The following FGF18 variants were observed in gnomAD, a reference collection of about 807,000 sequenced individuals.
The protein encoded by FGF18 is fibroblast growth factor 18.
In FGF18, 5 loss-of-function variants were observed where a neutral mutation model predicts 23.0. The ratio of observed to expected loss-of-function variants is 0.22; its 90% confidence interval spans 0.11 to 0.46. FGF18 has a LOEUF of 0.46. Among genes scored for constraint, FGF18 ranks in the 20% least tolerant of loss-of-function variants. FGF18 has a pLI of 0.99. For missense variants in FGF18, 180 were observed against 291.6 expected (o/e 0.62, Z 2.79); for synonymous variants, 117 against 118.9 (o/e 0.98, Z 0.10).
intron 3 of FGF18, among the ~76,000 whole-genome samples, chr5:171,447,928 C>A (rs933051054): frequency 1.3e-5 from 2 of 151,856 alleles, no homozygotes; most frequent in African/African-American, 4.8e-5. Context: ...GGGAGTGGGG[C>A]GGTCACAGGC....
In FGF18 at chr5:171,440,366, A is replaced by G. The variant is rs1772324203; in HGVS notation, c.250+4093A>G. 6.6e-6 allele frequency among the ~76,000 whole-genome samples: 1 copy of G among 152,028 alleles called. No individual in the cohort carries two copies. The highest frequency in any genetic ancestry group is 1.5e-5 in the Non-Finnish European group (1 of 67,996). On this transcript the variant is annotated intron_variant, in intron 3 of 4. Coordinates refer to ENST00000274625, the MANE Select transcript of FGF18 (RefSeq NM_003862.3). The surrounding 1 kb of genome is among the most constrained non-coding windows in gnomAD (Gnocchi z 4.0). ...GACCTGGCAGGTTAGATGCAGGTAG[A>G]AGAGTCGTCCTCCCGTGATTCCCAG...
rs559331737 is a variant in FGF18, at chr5:171,439,693, G to A, written c.250+3420G>A. On this transcript the variant is annotated intron_variant, in intron 3 of 4. Coordinates refer to ENST00000274625, the MANE Select transcript of FGF18 (RefSeq NM_003862.3). ...GGCCTCCTCCACCTGCCCTTGAGGT[G>A]GATGTCCCTAAGCCTGGGATGTGAC... Among the ~76,000 whole-genome samples, 177 of 152,248 alleles carry A rather than the reference G, an allele frequency of 1.2e-3. 1 individual carries two copies. Among genetic ancestry groups the A allele is most frequent in the Middle Eastern group, 0.01 (3 of 294 alleles).
rs564111337 is a variant in FGF18 at position 171,423,116 on chromosome 5, G to A, written c.69+2673G>A. ...TTCCTGTCCATCGCTACCGGGCTCA[G>A]AATGGGTCCCTGCCCCCAGCTACGT... On this transcript the variant is annotated intron_variant, in intron 2 of 4. Coordinates refer to ENST00000274625, the MANE Select transcript of FGF18 (RefSeq NM_003862.3). 1.4e-4 allele frequency among the ~76,000 whole-genome samples: 22 copies of A among 152,288 alleles called. No homozygotes were observed. The South Asian group carries it at 4.6e-3, about 32-fold the overall frequency.
intron 2 of FGF18, among the ~76,000 whole-genome samples, chr5:171,425,468 G>A (rs1159444024): frequency 2.7e-5 from 4 of 149,914 alleles, no homozygotes; most frequent in Non-Finnish European, 5.9e-5. Flanking sequence ...TGATCCACCC[G>A]CCTCGGACTC....
chr5:171,425,623 C>T (rs762370703), intron 2 of FGF18, among the ~76,000 whole-genome samples: 6 of 151,362 alleles, frequency 4.0e-5, no homozygotes, highest in Non-Finnish European at 7.4e-5. Context: ...CTCTGCCTGC[C>T]GGGTTCACGC....
chr5:171,442,897 G>A (rs547733357), intron 3 of FGF18, among the ~76,000 whole-genome samples: 29 of 152,184 alleles, frequency 1.9e-4, no homozygotes, highest in Non-Finnish European at 3.8e-4. Context: ...ACCAGCCTGC[G>A]TAAGGTCTGT....
intron 3 of FGF18, among the ~76,000 whole-genome samples, chr5:171,448,708 T>C (rs1369191688): frequency 6.6e-6 from 1 of 152,130 alleles, no homozygotes; most frequent in Non-Finnish European, 1.5e-5. Context: ...AATGGCCTTT[T>C]TGTATGGCCG....
At chr5:171,424,864 AG>A (rs1467063014) in intron 2 of FGF18, among the ~76,000 whole-genome samples, 3 of 11,822 alleles carry the variant, frequency 2.5e-4, no homozygotes, top group African/African-American at 1.0e-3. Flanking sequence ...GGGGAGGGGG[AG>A]GGGAGGGGGC....
chr5:171,423,391 G>A (rs1032703174), intron 2 of FGF18, among the ~76,000 whole-genome samples: 7 of 152,200 alleles, frequency 4.6e-5, no homozygotes, highest in South Asian at 4.1e-4. Flanking sequence ...CAATGACACC[G>A]GGCTGGGCCT....
intron 3 of FGF18, among the ~76,000 whole-genome samples, chr5:171,447,758 G>A (rs916567554): frequency 1.3e-5 from 2 of 152,154 alleles, no homozygotes; most frequent in East Asian, 1.9e-4. Context: ...GGGGCACTGA[G>A]GTATACTCTT....
At position 171,449,382 on chromosome 5, in the gene FGF18, T is replaced by A; in HGVS notation, c.357+129T>A. The A allele has an allele frequency of 6.1e-6, 3 of 495,130 alleles. No homozygotes were observed. In the African/African-American group the frequency reaches 6.7e-5, roughly 11 times the overall value. 30.7% of individuals were successfully genotyped at this position (495,130 alleles called of 1,614,324 possible). A position where few individuals can be genotyped will look rare whatever the true frequency, so the allele number is the denominator to read the frequency against. ...GGCCGTGTGTGTGTGTGTGTGTGTG[T>A]GTGTGTGTGTGTGTGTGTGAGAGAG... On this transcript the variant is annotated intron_variant, in intron 4 of 4. Coordinates refer to ENST00000274625, the MANE Select transcript of FGF18 (RefSeq NM_003862.3).
intron 3 of FGF18, among the ~76,000 whole-genome samples, chr5:171,437,879 G>A (rs1001032958): frequency 7.2e-5 from 11 of 152,120 alleles, no homozygotes; most frequent in African/African-American, 2.7e-4. Flanking sequence ...ATCTGTCCAC[G>A]CCCTGAGACA....
intron 4 of FGF18, among the ~76,000 whole-genome samples, chr5:171,453,814 G>C (rs1200846070): frequency 6.6e-6 from 1 of 152,066 alleles, no homozygotes; most frequent in Non-Finnish European, 1.5e-5. Flanking sequence ...GTGTGTCTCA[G>C]GAGGGACCTC....
In FGF18 at chr5:171,456,460, A is replaced by C; in HGVS notation, c.358-79A>C. 8 of 1,467,534 alleles carry C rather than the reference A, an allele frequency of 5.5e-6. 1 individual carries two copies. In the South Asian group the frequency reaches 1.0e-4, roughly 19 times the overall value. 90.9% of individuals were successfully genotyped at this position (1,467,534 alleles called of 1,614,324 possible). On this transcript the variant is annotated intron_variant, in intron 4 of 4. Transcript: ENST00000274625. This position sits in a 1 kb window ranked among gnomAD's most constrained non-coding sequence, Gnocchi z 6.1. ...CCTACAACAATCGCAATGGTCCTGA[A>C]TAAAACCTTCCTCGCTGTGCTTTGG...
chr5:171,436,181 G>A lies in FGF18; in HGVS notation c.158G>A (p.Arg53Gln). 2 of 1,608,954 alleles carry A rather than the reference G, an allele frequency of 1.2e-6. No homozygotes were observed. Among genetic ancestry groups the A allele is most frequent in the Non-Finnish European group, 8.5e-7 (1 of 1,177,142 alleles). The change falls in exon 3 of 5, where the codon CGG becomes CAG. Residue 53 changes from arginine (R) to glutamine (Q), a missense_variant. Around this residue, in one of 3 missense-constraint regions of FGF18, gnomAD observed 83 missense variants for 190.4 expected, o/e 0.44. Coordinates refer to ENST00000274625, the MANE Select transcript of FGF18 (RefSeq NM_003862.3). The surrounding 1 kb of genome is among the most constrained non-coding windows in gnomAD (Gnocchi z 4.4). ...ARDDVSRKQL[R>Q]LYQLYSRTSG... ...GACGATGTGAGCCGTAAGCAGCTGCGGCTGTACCAGCTCTACAGCCGGACC... is the reference window on the plus strand; with the variant it reads ...GACGATGTGAGCCGTAAGCAGCTGCAGCTGTACCAGCTCTACAGCCGGACC...
At chr5:171,423,029 C>T (rs1174887134) in intron 2 of FGF18, among the ~76,000 whole-genome samples, 3 of 152,228 alleles carry the variant, frequency 2.0e-5, no homozygotes, top group South Asian at 4.1e-4. Context: ...CCTTCCCTCC[C>T]CTCGCAGTGT....
chr5:171,426,526 C>T (rs778752214), intron 2 of FGF18, among the ~76,000 whole-genome samples: 8 of 152,194 alleles, frequency 5.3e-5, no homozygotes, highest in Admixed American at 2.0e-4. Flanking sequence ...CAGGAGGCCC[C>T]GTGGGCTTTG....
chr5:171,452,745 T>G (rs1047772313), intron 4 of FGF18, among the ~76,000 whole-genome samples: 5 of 152,318 alleles, frequency 3.3e-5, no homozygotes, highest in African/African-American at 1.2e-4. Flanking sequence ...GCCACAGACC[T>G]TTTCAGGGCA....
Position 171,436,387 on chromosome 5 carries a change from C to A in FGF18, c.250+114C>A. On this transcript the variant is annotated intron_variant, in intron 3 of 4. Transcript: ENST00000274625. This position sits in a 1 kb window ranked among gnomAD's most constrained non-coding sequence, Gnocchi z 4.4. The stretch of plus-strand genomic sequence containing the variant: ...CTGCTCCTGGCTGTGTGATCTTGGA[C>A]CTGGCACTGACCCTTTCTGGGTCTG... 1 of 835,128 alleles carries A rather than the reference C, an allele frequency of 1.2e-6. No individual in the cohort carries two copies. The highest frequency in any genetic ancestry group is 1.7e-6 in the Non-Finnish European group (1 of 582,692). The allele number at this position is 835,128 out of a possible 1,614,324, so 51.7% of individuals were successfully genotyped here. A position where few individuals can be genotyped will look rare whatever the true frequency, so the allele number is the denominator to read the frequency against.
Sources: allele counts gnomAD v4.1 joint callset (sites outside exome capture counted in the v4.1 genomes callset), GRCh38; gene constraint gnomAD v4.1.1; regional missense constraint gnomAD v4.1.1; non-coding constraint Gnocchi (gnomAD v3.1); transcripts MANE v1.5; gene names NCBI Gene and HGNC (gene_info 2026-07-23, HGNC 2026-07-21).